The following PIP4K2A variants were observed in gnomAD, a reference collection of about 807,000 sequenced individuals.
PIP4K2A encodes the protein phosphatidylinositol 5-phosphate 4-kinase type-2 alpha.
Under a neutral mutation model 42.9 loss-of-function variants are expected in PIP4K2A, and 14 were observed. The ratio of observed to expected loss-of-function variants is 0.33; its 90% CI spans 0.22 to 0.51. The LOEUF (loss-of-function observed/expected upper bound fraction) is 0.51. Ranked by LOEUF, PIP4K2A falls within the 20% of genes least tolerant of loss-of-function variation. PIP4K2A has a pLI of 0.97. For synonymous variants in PIP4K2A, 192 were observed against 192.2 expected, an observed-to-expected ratio of 1.00 and a Z score of 0.01; for missense variants, 434 against 519.8, an observed-to-expected ratio of 0.83 and a Z score of 1.61.
chr10:22,612,397 G>C (rs1025203972), intron 1 of PIP4K2A, among the ~76,000 whole-genome samples: 1 of 152,242 alleles, frequency 6.6e-6, no homozygotes, highest in Non-Finnish European at 1.5e-5. Flanking sequence ...GCAATGGCTC[G>C]TGGAGAAAGG....
At chr10:22,713,373 G>A (rs888718517) in intron 1 of PIP4K2A, among the ~76,000 whole-genome samples, 6 of 151,690 alleles carry the variant, frequency 4.0e-5, no homozygotes, top group Admixed American at 2.6e-4. Flanking sequence ...CGCGCCCGCC[G>A]GGACCCCCGC....
chr10:22,567,927 AGGCAT>A (rs775315447), intron 5 of PIP4K2A, 38 bp from the exon 6 acceptor site: 2 of 1,588,534 alleles, frequency 1.3e-6, no homozygotes, highest in African/African-American at 2.7e-5. Context: ...TGCGCATGGG[AGGCAT>A]TGGGTTTCAC....
chr10:22,605,786 T>G lies in PIP4K2A; in HGVS notation c.339+2141A>C, dbSNP rs186541912. 3.3e-3 allele frequency among the ~76,000 whole-genome samples: 495 copies of G among 152,196 alleles called. 2 individuals are homozygous for G. Among genetic ancestry groups the G allele is most frequent in the African/African-American group, 0.011 (471 of 41,510 alleles). On this transcript the variant is annotated intron_variant, in intron 3 of 9. Coordinates refer to ENST00000376573, the MANE Select transcript of PIP4K2A (RefSeq NM_005028.5). ...GGAGGAACACACTGGTGTTCAGCTT[T>G]TCTTAAGGCAGAGGAGATTTTCTTA...
intron 1 of PIP4K2A, among the ~76,000 whole-genome samples, chr10:22,664,168 C>CGTATATATATATACAT (rs1321805173): frequency 6.6e-5 from 2 of 30,208 alleles, no homozygotes; most frequent in East Asian, 1.5e-3. Context: ...TATATATATA[C>CGTATATATATATACAT]ATATATATAT....
chr10:22,647,208 T>G (rs1464918189), intron 1 of PIP4K2A, among the ~76,000 whole-genome samples: 1 of 152,156 alleles, frequency 6.6e-6, no homozygotes, highest in Admixed American at 6.5e-5. Flanking sequence ...CTATTAAAAG[T>G]GTGTATGTGT....
At chr10:22,541,740 T>C in intron 8 of PIP4K2A, 64 bp downstream of exon 8, 1 of 1,488,500 alleles carries the variant, frequency 6.7e-7, no homozygotes, top group Non-Finnish European at 8.9e-7. Context: ...TGCTTACTGG[T>C]AGATAACAAG....
chr10:22,666,093 C>G (rs529323604), intron 1 of PIP4K2A, among the ~76,000 whole-genome samples: 1 of 151,990 alleles, frequency 6.6e-6, no homozygotes, highest in Admixed American at 6.5e-5. Context: ...AGGAAAAAAT[C>G]TAATACAACA....
chr10:22,600,705 T>G (rs1269094977), intron 3 of PIP4K2A, among the ~76,000 whole-genome samples: 1 of 152,158 alleles, frequency 6.6e-6, no homozygotes, highest in Non-Finnish European at 1.5e-5. Context: ...TGGAGAAGGC[T>G]GCTTTCTGGG....
At chr10:22,651,899 T>C (rs1003070781) in intron 1 of PIP4K2A, among the ~76,000 whole-genome samples, 3 of 152,182 alleles carry the variant, frequency 2.0e-5, no homozygotes, top group African/African-American at 7.2e-5. Flanking sequence ...GATCTGGATA[T>C]AAAATAATGA....
chr10:22,571,425 C>T (rs533832765), intron 5 of PIP4K2A, among the ~76,000 whole-genome samples: 15 of 152,294 alleles, frequency 9.8e-5, no homozygotes, highest in Admixed American at 9.1e-4. Context: ...GACCGCTTCC[C>T]AATATGTAAA....
At chr10:22,607,689 C>T (rs1319803024) in intron 3 of PIP4K2A, 2 of 287,196 alleles carry the variant, frequency 7.0e-6, no homozygotes, top group Non-Finnish European at 1.3e-5. Context: ...TGCTCAGTCT[C>T]CTTCCAAAGA....
At position 22,541,968 on chromosome 10, in the gene PIP4K2A, A is replaced by G. The variant is rs1478855220; in HGVS notation, c.872T>C (p.Val291Ala). 2 of 1,613,778 alleles carry G rather than the reference A, an allele frequency of 1.2e-6. No individual in the cohort carries two copies. The highest frequency in any genetic ancestry group is 1.3e-5 in the African/African-American group (1 of 74,914). Residue 291 changes from valine (V) to alanine (A), a missense_variant, in exon 8 of 10, where the codon GTG (valine) becomes GCG (alanine). Val to Ala is a moderately conservative substitution (Grantham distance 64). Transcript: ENST00000376573. ...CTCCCCATCGTTCTCCTCACACTCC[A>G]CTTCCTCCTGTTCGGCTCTCTCCAC... is the stretch of plus-strand genomic sequence containing the variant. ...HDVERAEQEE[V>A]ECEENDGEEE...
At chr10:22,692,696 G>A (rs143962362) in intron 1 of PIP4K2A, among the ~76,000 whole-genome samples, 1 of 152,238 alleles carries the variant, frequency 6.6e-6, no homozygotes, top group South Asian at 2.1e-4. Flanking sequence ...CCCACTTACG[G>A]CCTTCCCTTA....
chr10:22,633,197 G>A (rs554698381), intron 1 of PIP4K2A, among the ~76,000 whole-genome samples: 1 of 152,322 alleles, frequency 6.6e-6, no homozygotes, highest in African/African-American at 2.4e-5. Flanking sequence ...CACAGCTCCA[G>A]AACCTGGGCT....
At chr10:22,712,836 T>A (rs1833933510) in intron 1 of PIP4K2A, among the ~76,000 whole-genome samples, 1 of 152,124 alleles carries the variant, frequency 6.6e-6, no homozygotes, top group African/African-American at 2.4e-5. Context: ...TGTTTTGCCC[T>A]TCCCCCTGCT....
intron 1 of PIP4K2A, among the ~76,000 whole-genome samples, chr10:22,640,691 C>T (rs146197673): frequency 6.6e-6 from 1 of 152,276 alleles, no homozygotes; most frequent in East Asian, 1.9e-4. Flanking sequence ...AATTTATTTA[C>T]CTTCTCCTCC....
chr10:22,631,998 C>T (rs554621083), intron 1 of PIP4K2A, among the ~76,000 whole-genome samples: 9 of 152,072 alleles, frequency 5.9e-5, no homozygotes, highest in South Asian at 2.1e-4. Flanking sequence ...ACAACACTAA[C>T]GCTCTGGTAT....
Position 22,621,820 on chromosome 10 carries a change from G to A in PIP4K2A, c.145-12103C>T, listed in dbSNP as rs16922517. Reference sequence around the variant, plus strand: ...AGCAGACTTCACAGTTGGGACCTTCGTTAAGATTCCAGAAGGAAGCAATGA... The same window carrying A: ...AGCAGACTTCACAGTTGGGACCTTCATTAAGATTCCAGAAGGAAGCAATGA... On this transcript the variant is annotated intron_variant, in intron 1 of 9. Coordinates refer to ENST00000376573, the MANE Select transcript of PIP4K2A (RefSeq NM_005028.5). 8.8e-3 allele frequency among the ~76,000 whole-genome samples: 1,344 copies of A among 152,302 alleles called. 14 individuals are homozygous for A. Among genetic ancestry groups the A allele is most frequent in the African/African-American group, 0.03 (1,234 of 41,564 alleles).
At position 22,664,228 on chromosome 10, in the gene PIP4K2A, TACAC is replaced by T. The variant is rs370820884; in HGVS notation, c.144+49951_144+49954del. ...ACATATATATATATACATATATATA[TACAC>T]ACACACACACACACACACATATATA... is the stretch of plus-strand genomic sequence containing the variant. On this transcript the variant is annotated intron_variant, in intron 1 of 9. Coordinates refer to ENST00000376573, the MANE Select transcript of PIP4K2A (RefSeq NM_005028.5). 1.6e-3 allele frequency among the ~76,000 whole-genome samples: 148 copies of T among 89,848 alleles called. 3 individuals are homozygous for T. The South Asian group carries it at 0.021, about 13-fold the overall frequency. 58.9% of individuals were successfully genotyped at this position (89,848 alleles called of 152,430 possible).
Sources: gnomAD v4.1 joint callset for allele counts (sites outside exome capture counted in the v4.1 genomes callset) on GRCh38, gnomAD v4.1.1 for gene constraint, MANE v1.5 for transcripts, NCBI Gene and HGNC (gene_info 2026-07-23, HGNC 2026-07-21) for gene names.